Variants in TLL1 observed in about 807,000 individuals in gnomAD.
The protein encoded by TLL1 is tolloid like 1, also known as tolloid-like protein 1.
TLL1 carries 49 observed loss-of-function variants against 128.2 expected under a neutral mutation model. That is an observed-to-expected ratio of 0.38 (90% CI 0.30 to 0.48). The LOEUF is 0.48. Among genes scored for constraint, TLL1 ranks in the 20% least tolerant of loss-of-function variants. TLL1 has a pLI of 0.96. For synonymous variants in TLL1, 454 were observed against 418.8 expected (o/e 1.08, Z -1.03); for missense variants, 1,123 against 1,242.0 (o/e 0.90, Z 1.44).
At chr4:165,984,734 C>T (rs1160173490) in intron 1 of TLL1, among the ~76,000 whole-genome samples, 1 of 151,860 alleles carries the variant, frequency 6.6e-6, no homozygotes, top group Non-Finnish European at 1.5e-5. Flanking sequence ...ATTTCCTGGG[C>T]ATATAAGTGT....
intron 18 of TLL1, among the ~76,000 whole-genome samples, chr4:166,086,916 A>G (rs1417085031): frequency 6.6e-6 from 1 of 152,170 alleles, no homozygotes; most frequent in Non-Finnish European, 1.5e-5. Context: ...TTATTTAAGC[A>G]TGAGGTACTG....
At chr4:165,959,987 A>C (rs1205504101) in intron 1 of TLL1, among the ~76,000 whole-genome samples, 4 of 152,144 alleles carry the variant, frequency 2.6e-5, no homozygotes, top group Admixed American at 2.6e-4. Flanking sequence ...AAATGACTAT[A>C]TTCGAGCAGA....
At chr4:166,033,533 G>T (rs529235809) in intron 9 of TLL1, among the ~76,000 whole-genome samples, 2 of 152,090 alleles carry the variant, frequency 1.3e-5, no homozygotes, top group Admixed American at 6.6e-5. Context: ...TTGGGCAAGA[G>T]AAAAATATTG....
intron 18 of TLL1, among the ~76,000 whole-genome samples, chr4:166,086,339 T>A (rs1741513834): frequency 6.6e-6 from 1 of 152,156 alleles, no homozygotes. Context: ...TAGCAAATTA[T>A]CCCAAAACCT....
At chr4:165,958,115 G>C (rs1370844795) in intron 1 of TLL1, among the ~76,000 whole-genome samples, 55 of 142,130 alleles carry the variant, frequency 3.9e-4, no homozygotes, top group Non-Finnish European at 1.2e-4. Context: ...TATCATTGTT[G>C]GACATTTGGG....
At chr4:165,926,184 A>G (rs548664615) in intron 1 of TLL1, among the ~76,000 whole-genome samples, 26 of 152,336 alleles carry the variant, frequency 1.7e-4, no homozygotes, top group Non-Finnish European at 3.4e-4. Context: ...TTTGATTTAA[A>G]TGAAAGATTG....
chr4:165,984,818 C>G (rs1736328028), intron 1 of TLL1, among the ~76,000 whole-genome samples: 1 of 151,820 alleles, frequency 6.6e-6, no homozygotes, highest in South Asian at 2.1e-4. Flanking sequence ...CAAAAAGGCA[C>G]CTGTCTTTTA....
chr4:166,049,784 TAG>T (rs1739627981), intron 12 of TLL1, among the ~76,000 whole-genome samples: 1 of 151,556 alleles, frequency 6.6e-6, no homozygotes, highest in Non-Finnish European at 1.5e-5. Flanking sequence ...TATTATTTCC[TAG>T]ACTTTACTAG....
chr4:166,060,756 A>G (rs1740273144), intron 15 of TLL1, among the ~76,000 whole-genome samples: 1 of 152,228 alleles, frequency 6.6e-6, no homozygotes, highest in African/African-American at 2.4e-5. Flanking sequence ...CTACATTTAA[A>G]CAAGTGAAAT....
At chr4:165,892,924 A>G (rs1230142904) in intron 1 of TLL1, among the ~76,000 whole-genome samples, 1 of 152,114 alleles carries the variant, frequency 6.6e-6, no homozygotes, top group Non-Finnish European at 1.5e-5. Flanking sequence ...TTTCATTTTC[A>G]AGATGGTAGC....
intron 1 of TLL1, among the ~76,000 whole-genome samples, chr4:165,931,605 G>A (rs1006104958): frequency 2.6e-5 from 4 of 151,810 alleles, no homozygotes; most frequent in African/African-American, 9.7e-5. Context: ...TGTAGTCCCA[G>A]CTACTTGGGA....
chr4:165,939,428 T>G (rs894244103), intron 1 of TLL1, among the ~76,000 whole-genome samples: 2 of 152,106 alleles, frequency 1.3e-5, no homozygotes, highest in African/African-American at 4.8e-5. Flanking sequence ...ACTAGTGCAT[T>G]TCCTCTGATA....
chr4:165,875,135 A>T (rs954508556), intron 1 of TLL1: 26 of 152,488 alleles, frequency 1.7e-4, no homozygotes, highest in African/African-American at 6.0e-4. Flanking sequence ...GTTCCATCCC[A>T]AGAGGTGTGG....
chr4:165,992,020 G>A (rs934741763), intron 2 of TLL1, among the ~76,000 whole-genome samples: 4 of 151,922 alleles, frequency 2.6e-5, no homozygotes, highest in South Asian at 4.1e-4. Flanking sequence ...TTGAATTATT[G>A]CCAAATGCTA....
At chr4:166,007,871 T>G (rs113572521) in intron 6 of TLL1, 72 bp from the exon 7 acceptor site, 2 of 931,042 alleles carry the variant, frequency 2.1e-6, no homozygotes, top group African/African-American at 3.2e-5. Context: ...GATGCAGGTG[T>G]AGGAAAGGCC....
chr4:166,032,406 G>T (rs1241317498), intron 9 of TLL1, among the ~76,000 whole-genome samples: 1 of 152,048 alleles, frequency 6.6e-6, no homozygotes, highest in Non-Finnish European at 1.5e-5. Context: ...GGTAATATGG[G>T]GGAGTGGGTT....
rs79649232 is a variant in TLL1 at position 165,984,750 on chromosome 4, T to C, written c.170-4631T>C. 2.3e-3 allele frequency among the ~76,000 whole-genome samples: 343 copies of C among 152,064 alleles called. 6 individuals are homozygous for C. The East Asian group carries it at 0.042, about 19-fold the overall frequency. The stretch of plus-strand genomic sequence containing the variant: ...TTTCCTGGGCATATAAGTGTGGTGT[T>C]TGGAGAAAAGGGGACACAATTCCTA... On this transcript the variant is annotated intron_variant, in intron 1 of 20. Transcript: ENST00000061240.
intron 4 of TLL1, among the ~76,000 whole-genome samples, chr4:165,994,815 T>C (rs1306954259): frequency 6.6e-6 from 1 of 152,186 alleles, no homozygotes; most frequent in Non-Finnish European, 1.5e-5. Context: ...ACAGGAAGAA[T>C]GTATGCCTCA....
chr4:166,055,807 A>G (rs1392624764), intron 13 of TLL1, among the ~76,000 whole-genome samples: 1 of 152,088 alleles, frequency 6.6e-6, no homozygotes, highest in Non-Finnish European at 1.5e-5. Flanking sequence ...CATATTTTGT[A>G]TGTATTGTGA....
Sources: gnomAD v4.1 joint callset for allele counts (sites outside exome capture counted in the v4.1 genomes callset) on GRCh38, gnomAD v4.1.1 for gene constraint, MANE v1.5 for transcripts, NCBI Gene and HGNC (gene_info 2026-07-23, HGNC 2026-07-21) for gene names.